Variants in NAB1 observed in about 807,000 individuals in gnomAD.
NAB1 encodes NGFI-A-binding protein 1.
In NAB1, 25 loss-of-function variants were observed where a neutral mutation model predicts 49.9. The observed-to-expected ratio is 0.50, with a 90% CI of 0.37 to 0.70. The LOEUF is 0.70. NAB1 is among the 30% of genes least tolerant of loss of function. The pLI is 0.00. For synonymous variants in NAB1, 198 were observed against 215.6 expected, an observed-to-expected ratio of 0.92 and a Z score of 0.71; for missense variants, 489 against 575.9, an observed-to-expected ratio of 0.85 and a Z score of 1.54.
Position 190,675,153 on chromosome 2 carries a change from G to A in NAB1, c.1005+2001G>A, listed in dbSNP as rs1695009666. ...AGAAGGCATGTGCCATTGGAGGATT[G>A]AGAGGAAAGAAAGCACAGAAACTAC... On this transcript the variant is annotated intron_variant, in intron 6 of 9. Coordinates refer to ENST00000337386, the MANE Select transcript of NAB1 (RefSeq NM_005966.4). This position sits in a 1 kb window ranked among gnomAD's most constrained non-coding sequence, Gnocchi z 5.2. Among the ~76,000 whole-genome samples the A allele has an allele frequency of 6.6e-6, 1 of 152,166 alleles. No individual in the cohort carries two copies. The highest frequency in any genetic ancestry group is 2.1e-4 in the South Asian group (1 of 4,832).
At chr2:190,668,585 G>A (rs1694643560) in intron 4 of NAB1, among the ~76,000 whole-genome samples, 1 of 152,052 alleles carries the variant, frequency 6.6e-6, no homozygotes, top group South Asian at 2.1e-4. Flanking sequence ...GAAAAAAGTA[G>A]ATTACAAATT....
At position 190,675,999 on chromosome 2, in the gene NAB1, T is replaced by C. The variant is rs1003768728; in HGVS notation, c.1005+2847T>C. ...CCAGAACTATTTCCGGAAGCTGTTA[T>C]GAGGTAGATAGTACTGGCTGTATAA... On this transcript the variant is annotated intron_variant, in intron 6 of 9. Coordinates refer to ENST00000337386, the MANE Select transcript of NAB1 (RefSeq NM_005966.4). This position sits in a 1 kb window ranked among gnomAD's most constrained non-coding sequence, Gnocchi z 5.2. 6.6e-6 allele frequency among the ~76,000 whole-genome samples: 1 copy of C among 152,232 alleles called. No homozygotes were observed. The highest frequency in any genetic ancestry group is 2.4e-5 in the African/African-American group (1 of 41,456).
rs573594996 is a variant in NAB1 at position 190,682,478 on chromosome 2, G to C, written c.1006-1260G>C. Among the ~76,000 whole-genome samples the C allele has an allele frequency of 2.0e-5, 3 of 152,288 alleles. No individual in the cohort carries two copies. The highest frequency in any genetic ancestry group is 4.4e-5 in the Non-Finnish European group (3 of 68,020). ...CGCAAGCCAACATGAAGGAATCCTT[G>C]AGCAATTCAGGTTGGGATTATCGGT... On this transcript the variant is annotated intron_variant, in intron 6 of 9. Coordinates refer to ENST00000337386, the MANE Select transcript of NAB1 (RefSeq NM_005966.4). The surrounding 1 kb of genome is among the most constrained non-coding windows in gnomAD (Gnocchi z 4.1).
In NAB1 at chr2:190,691,593, T is replaced by C. The variant is rs901936397; in HGVS notation, c.*1260T>C. ...TGTTAATAATTTACTTGCATACTTA[T>C]GAGAATTTCACATTGGAATTCATAA... On this transcript the variant is annotated 3_prime_UTR_variant, in exon 10 of 10. Transcript: ENST00000337386. The surrounding 1 kb of genome is among the most constrained non-coding windows in gnomAD (Gnocchi z 4.1). The C allele has an allele frequency of 6.6e-5, 10 of 152,166 alleles. No homozygotes were observed. The South Asian group carries it at 1.2e-3, about 19-fold the overall frequency. 9.4% of individuals were successfully genotyped at this position (152,166 alleles called of 1,614,324 possible).
rs1387312549 is a variant in NAB1 at position 190,676,962 on chromosome 2, GA to G, written c.1005+3813del. ...CATCAAAATAATTTGACATGTAAAG[GA>G]AAGAGAAACATTTTTTTGCTTGTCA... On this transcript the variant is annotated intron_variant, in intron 6 of 9. Transcript: ENST00000337386. The surrounding 1 kb of genome is among the most constrained non-coding windows in gnomAD (Gnocchi z 4.6). 1 of 152,160 alleles carries G rather than the reference GA, an allele frequency of 6.6e-6. No homozygotes were observed. Among genetic ancestry groups the G allele is most frequent in the Non-Finnish European group, 1.5e-5 (1 of 68,024 alleles). The allele number at this position is 152,160 out of a possible 1,614,324, so 9.4% of individuals were successfully genotyped here.
At chr2:190,688,694 T>G (rs2125889119) in intron 9 of NAB1, among the ~76,000 whole-genome samples, 1 of 152,330 alleles carries the variant, frequency 6.6e-6, no homozygotes, top group South Asian at 2.1e-4. Flanking sequence ...TACATAGAGA[T>G]ATAATTGATC....
At position 190,690,724 on chromosome 2, in the gene NAB1, G is replaced by C. The variant is rs1695907539; in HGVS notation, c.*391G>C. The stretch of plus-strand genomic sequence containing the variant: ...GATGTGGATACAGTTTATTTTACTT[G>C]AAATTTTGTTGTCTACTTTGTGTGT... On this transcript the variant is annotated 3_prime_UTR_variant, in exon 10 of 10. Transcript: ENST00000337386. The C allele has an allele frequency of 6.4e-6, 1 of 156,292 alleles. No individual in the cohort carries two copies. Among genetic ancestry groups the C allele is most frequent in the African/African-American group, 2.4e-5 (1 of 41,574 alleles). 9.7% of individuals were successfully genotyped at this position (156,292 alleles called of 1,614,324 possible).
rs1426921746 is a variant in NAB1 at position 190,674,974 on chromosome 2, T to C, written c.1005+1822T>C. Among the ~76,000 whole-genome samples, 1 of 152,184 alleles carries C rather than the reference T, an allele frequency of 6.6e-6. No individual in the cohort carries two copies. Among genetic ancestry groups the C allele is most frequent in the East Asian group, 1.9e-4 (1 of 5,198 alleles). ...ATGGTTAACTCAGAAAATGTTGAAATTATCTAAAAGGCTACATTGAAAGAT... is the reference window on the plus strand; with the variant it reads ...ATGGTTAACTCAGAAAATGTTGAAACTATCTAAAAGGCTACATTGAAAGAT... On this transcript the variant is annotated intron_variant, in intron 6 of 9. Transcript: ENST00000337386. The surrounding 1 kb of genome is among the most constrained non-coding windows in gnomAD (Gnocchi z 5.7).
rs114059784 is a variant in NAB1, at chr2:190,657,691, C to T, written c.-19-1467C>T. On this transcript the variant is annotated intron_variant, in intron 3 of 9. Coordinates refer to ENST00000337386, the MANE Select transcript of NAB1 (RefSeq NM_005966.4). The surrounding 1 kb of genome is among the most constrained non-coding windows in gnomAD (Gnocchi z 4.4). ...CAGAGGTTCCAGGAGATGGGACTTC[C>T]GGTAGTCAGTGCTTAGAGTGGTAGG... 0.015 allele frequency among the ~76,000 whole-genome samples: 2,287 copies of T among 152,268 alleles called. 32 individuals carry two copies. Among genetic ancestry groups the T allele is most frequent in the Non-Finnish European group, 0.024 (1,624 of 68,008 alleles).
At position 190,659,719 on chromosome 2, in the gene NAB1, C is replaced by G. The variant is rs764919800; in HGVS notation, c.543C>G (p.Pro181=). The change falls in exon 4 of 10, where the codon CCC becomes CCG. Residue 181 remains proline, a synonymous_variant. Transcript: ENST00000337386. The surrounding 1 kb of genome is among the most constrained non-coding windows in gnomAD (Gnocchi z 6.2). ...HSLSPADLGS[P]ASPKESSEAL... ...TCTCCCCAGCAGACCTGGGCTCCCCCGCGTCCCCAAAGGAGAGCAGTGAGG... is the reference window on the plus strand; with the variant it reads ...TCTCCCCAGCAGACCTGGGCTCCCCGGCGTCCCCAAAGGAGAGCAGTGAGG... The G allele has an allele frequency of 6.2e-7, 1 of 1,613,860 alleles. No individual in the cohort carries two copies. Among genetic ancestry groups the G allele is most frequent in the Non-Finnish European group, 8.5e-7 (1 of 1,179,940 alleles).
rs150828744 is a variant in NAB1, at chr2:190,683,715, A to C, written c.1006-23A>C. ...TATTATTTACAAACTCTAAATATAA[A>C]GGACTTCTTATTTGACCCACAGGAT... On this transcript the variant is annotated intron_variant, in intron 6 of 9. Coordinates refer to ENST00000337386, the MANE Select transcript of NAB1 (RefSeq NM_005966.4). 3,189 of 1,547,612 alleles carry C rather than the reference A, an allele frequency of 2.1e-3. 61 individuals carry two copies. The African/African-American group carries it at 0.039, about 19-fold the overall frequency.
At chr2:190,658,276 T>C (rs181084985) in intron 3 of NAB1, among the ~76,000 whole-genome samples, 1 of 152,302 alleles carries the variant, frequency 6.6e-6, no homozygotes, top group Admixed American at 6.5e-5. Context: ...TTATTTTGCA[T>C]GCAGGGCCAT....
At position 190,667,975 on chromosome 2, in the gene NAB1, A is replaced by C. The variant is rs1350883180; in HGVS notation, c.820-2351A>C. On this transcript the variant is annotated intron_variant, in intron 4 of 9. Coordinates refer to ENST00000337386, the MANE Select transcript of NAB1 (RefSeq NM_005966.4). This position sits in a 1 kb window ranked among gnomAD's most constrained non-coding sequence, Gnocchi z 4.4. ...AAAGAATTCCTGAAGTTCTAAGAACATGAAACATTGTAATGAGTCAAAGAT... is the reference window on the plus strand; with the variant it reads ...AAAGAATTCCTGAAGTTCTAAGAACCTGAAACATTGTAATGAGTCAAAGAT... 1.3e-5 allele frequency among the ~76,000 whole-genome samples: 2 copies of C among 152,170 alleles called. No homozygotes were observed. The highest frequency in any genetic ancestry group is 2.4e-5 in the African/African-American group (1 of 41,448).
chr2:190,649,874 T>G lies in NAB1; in HGVS notation c.-305T>G, dbSNP rs746445024. On this transcript the variant is annotated 5_prime_UTR_variant, in exon 2 of 10. Coordinates refer to ENST00000337386, the MANE Select transcript of NAB1 (RefSeq NM_005966.4). This position sits in a 1 kb window ranked among gnomAD's most constrained non-coding sequence, Gnocchi z 6.1. ...AAGGAGAGTTTTACATGGAAGTGGC[T>G]TACAGAAACTTGGCGCTGAGGTGCA... 6.6e-6 allele frequency: 1 copy of G among 152,208 alleles called. No individual in the cohort carries two copies. Among genetic ancestry groups the G allele is most frequent in the Non-Finnish European group, 1.5e-5 (1 of 68,044 alleles). The allele number at this position is 152,208 out of a possible 1,614,324, so 9.4% of individuals were successfully genotyped here. A position where few individuals can be genotyped will look rare whatever the true frequency, so the allele number is the denominator to read the frequency against.
In NAB1 at chr2:190,692,233, T is replaced by G. The variant is rs984876384; in HGVS notation, c.*1900T>G. The G allele has an allele frequency of 4.6e-5, 7 of 151,764 alleles. No individual in the cohort carries two copies. The highest frequency in any genetic ancestry group is 1.5e-4 in the African/African-American group (6 of 41,162). The allele number at this position is 151,764 out of a possible 1,614,324, so 9.4% of individuals were successfully genotyped here. ...TTCTAATCTATTTTGAAACATTTTG[T>G]TTTTTTTTAATTGTGTCTTACAGTC... On this transcript the variant is annotated 3_prime_UTR_variant, in exon 10 of 10. Transcript: ENST00000337386. The surrounding 1 kb of genome is among the most constrained non-coding windows in gnomAD (Gnocchi z 5.2).
Position 190,659,309 on chromosome 2 carries a change from G to A in NAB1, c.133G>A (p.Gly45Arg). 3 of 1,614,162 alleles carry A rather than the reference G, an allele frequency of 1.9e-6. No individual in the cohort carries two copies. Among genetic ancestry groups the A allele is most frequent in the Non-Finnish European group, 2.5e-6 (3 of 1,180,034 alleles). The change falls in exon 4 of 10, where the codon GGA becomes AGA. Residue 45 changes from glycine to arginine, a missense_variant. Coordinates refer to ENST00000337386, the MANE Select transcript of NAB1 (RefSeq NM_005966.4). The surrounding 1 kb of genome is among the most constrained non-coding windows in gnomAD (Gnocchi z 6.2). ...TGATGTCCAGCAACTCTGTGAAGCA[G>A]GAGAAGAGGAGTTTTTGGAAATCAT... is the stretch of plus-strand genomic sequence containing the variant. ...GDDVQQLCEA[G>R]EEEFLEIMAL... is the part of the protein sequence containing the mutation.
chr2:190,665,337 A>AG (rs1694462450), intron 4 of NAB1, among the ~76,000 whole-genome samples: 1 of 151,398 alleles, frequency 6.6e-6, no homozygotes, highest in Non-Finnish European at 1.5e-5. Flanking sequence ...AAAAAAAAAA[A>AG]GTTAGTGGTT....
At chr2:190,681,980 TG>T (rs1228209401) in intron 6 of NAB1, among the ~76,000 whole-genome samples, 2 of 152,216 alleles carry the variant, frequency 1.3e-5, no homozygotes, top group African/African-American at 4.8e-5. Flanking sequence ...GGAGTTTAAT[TG>T]TAAATGCTAA....
chr2:190,653,145 C>G (rs1025141299), intron 2 of NAB1, among the ~76,000 whole-genome samples: 1 of 152,126 alleles, frequency 6.6e-6, no homozygotes, highest in East Asian at 1.9e-4. Flanking sequence ...TTCAGCCTCT[C>G]GTGTACCCAT....
Sources: allele counts gnomAD v4.1 joint callset (sites outside exome capture counted in the v4.1 genomes callset), GRCh38; gene constraint gnomAD v4.1.1; non-coding constraint Gnocchi (gnomAD v3.1); transcripts MANE v1.5; gene names NCBI Gene and HGNC (gene_info 2026-07-23, HGNC 2026-07-21).